Variants in MYOM2 observed in about 807,000 individuals in gnomAD.
MYOM2 encodes the protein myomesin 2.
In MYOM2, 254 loss-of-function variants were observed where a neutral mutation model predicts 187.6. The ratio of observed to expected loss-of-function variants is 1.35; its 90% CI spans 1.22 to 1.50. The LOEUF is 1.50. Among genes scored for constraint, MYOM2 ranks in the 40% most tolerant of loss-of-function variants. The pLI, the probability that MYOM2 is intolerant of heterozygous loss-of-function variation, is 0.00. For missense variants in MYOM2, 2,796 were observed against 1,924.0 expected, an observed-to-expected ratio of 1.45 and a Z score of -8.48; for synonymous variants, 981 against 753.8, an observed-to-expected ratio of 1.30 and a Z score of -4.94.
At chr8:2,089,716 ACTAC>A (rs1796228689) in intron 14 of MYOM2, among the ~76,000 whole-genome samples, 1 of 152,248 alleles carries the variant, frequency 6.6e-6, no homozygotes, top group South Asian at 2.1e-4. Context: ...TGCTAAAACT[ACTAC>A]CTATGTATTG....
rs148738470 is a variant in MYOM2 at position 2,133,483 on chromosome 8, C to T, written c.3800+4251C>T. Among the ~76,000 whole-genome samples the T allele has an allele frequency of 3.2e-3, 483 of 152,304 alleles. 4 individuals are homozygous for T. Among genetic ancestry groups the T allele is most frequent in the African/African-American group, 0.011 (437 of 41,572 alleles). On this transcript the variant is annotated intron_variant, in intron 32 of 36. Transcript: ENST00000262113. ...TCCATCTACCTGCCTCCGACAGAGT[C>T]GGAGTGTTGCTCTGTCACCCAGGCT... is the stretch of plus-strand genomic sequence containing the variant.
intron 20 of MYOM2, 66 bp downstream of exon 20, chr8:2,101,120 C>A: frequency 2.0e-6 from 3 of 1,534,886 alleles, no homozygotes; most frequent in Non-Finnish European, 2.7e-6. Flanking sequence ...TAAAGGCGGG[C>A]CAATCACTTG....
At chr8:2,126,470 T>A (rs555766320) in intron 31 of MYOM2, among the ~76,000 whole-genome samples, 11 of 151,928 alleles carry the variant, frequency 7.2e-5, no homozygotes, top group Admixed American at 6.6e-4. Context: ...CCCTACACAC[T>A]CACACACTCA....
At chr8:2,123,405 C>G in intron 29 of MYOM2, 40 bp downstream of exon 29, 3 of 1,530,862 alleles carry the variant, frequency 2.0e-6, no homozygotes, top group Non-Finnish European at 2.7e-6. Context: ...AAAACAAAAA[C>G]GGCACTTTCA....
intron 34 of MYOM2, 25 bp from the exon 35 acceptor site, chr8:2,142,350 C>T: frequency 6.2e-7 from 1 of 1,611,496 alleles, no homozygotes. Context: ...TTCATTCTCT[C>T]CTTTCTGTCC....
At chr8:2,136,884 T>C (rs569582610) in intron 32 of MYOM2, among the ~76,000 whole-genome samples, 1 of 152,210 alleles carries the variant, frequency 6.6e-6, no homozygotes, top group Non-Finnish European at 1.5e-5. Flanking sequence ...GCTAAAACGC[T>C]GCCACTTCAT....
intron 28 of MYOM2, among the ~76,000 whole-genome samples, chr8:2,121,439 C>T (rs1797452846): frequency 6.6e-6 from 1 of 151,964 alleles, no homozygotes; most frequent in Non-Finnish European, 1.5e-5. Flanking sequence ...ATTTTAGGTT[C>T]CCTGACTAAA....
At chr8:2,048,305 C>G (rs1047140595) in intron 1 of MYOM2, among the ~76,000 whole-genome samples, 2 of 152,202 alleles carry the variant, frequency 1.3e-5, no homozygotes, top group African/African-American at 4.8e-5. Context: ...CAACCTTGGT[C>G]CAACTTCATT....
At position 2,140,874 on chromosome 8, in the gene MYOM2, C is replaced by T. The variant is rs61733951; in HGVS notation, c.3952C>T (p.Leu1318=). The change falls in exon 33 of 37, where the codon CTG becomes TTG. Residue 1318 remains leucine, a synonymous_variant. Coordinates refer to ENST00000262113, the MANE Select transcript of MYOM2 (RefSeq NM_003970.4). ...GKDNHQRSLD[L]SGQAFDEAFA... is the part of the protein sequence containing the mutation. ...AGACAACCATCAACGCTCCCTTGAC[C>T]TGTCCGGACAAGGTAAGAGAATTCT... The T allele has an allele frequency of 0.028, 45,313 of 1,613,514 alleles. 741 individuals carry two copies. Among genetic ancestry groups the T allele is most frequent in the Non-Finnish European group, 0.032 (37,889 of 1,179,582 alleles).
chr8:2,117,633 G>C (rs780306607), intron 27 of MYOM2, among the ~76,000 whole-genome samples: 1 of 152,114 alleles, frequency 6.6e-6, no homozygotes, highest in African/African-American at 2.4e-5. Context: ...GCTCCTACCA[G>C]GAAGCACAGA....
rs1798190983 is a variant in MYOM2, at chr8:2,139,205, A to T, written c.3801-1518A>T. On this transcript the variant is annotated intron_variant, in intron 32 of 36. Coordinates refer to ENST00000262113, the MANE Select transcript of MYOM2 (RefSeq NM_003970.4). ...GGCCAGGCCGGAGTGCGGTGGTGTG[A>T]TCACAGCTCACTGCAGCCTTGACCT... Among the ~76,000 whole-genome samples, 3 of 152,150 alleles carry T rather than the reference A, an allele frequency of 2.0e-5. No homozygotes were observed. The South Asian group carries it at 6.2e-4, about 32-fold the overall frequency.
chr8:2,087,587 C>T (rs951092091), intron 14 of MYOM2, among the ~76,000 whole-genome samples: 1 of 152,140 alleles, frequency 6.6e-6, no homozygotes, highest in Non-Finnish European at 1.5e-5. Flanking sequence ...CCACCAATAC[C>T]AGAAACACCA....
chr8:2,070,203 T>G (rs1049565713), intron 8 of MYOM2, among the ~76,000 whole-genome samples: 1 of 151,544 alleles, frequency 6.6e-6, no homozygotes, highest in African/African-American at 2.4e-5. Context: ...GGCTTGGGAG[T>G]GAGTTTTAGA....
chr8:2,067,857 G>T (rs1819068608), intron 6 of MYOM2, among the ~76,000 whole-genome samples: 1 of 152,110 alleles, frequency 6.6e-6, no homozygotes, highest in Non-Finnish European at 1.5e-5. Context: ...CATGTCTTGG[G>T]ATCATATTAC....
Position 2,116,284 on chromosome 8 carries a change from CCTCA to C in MYOM2, c.3385+13_3385+16del. The C allele has an allele frequency of 6.2e-7, 1 of 1,611,376 alleles. No individual in the cohort carries two copies. The highest frequency in any genetic ancestry group is 1.1e-5 in the South Asian group (1 of 90,474). The stretch of plus-strand genomic sequence containing the variant: ...ATTTCTCAGGAAACAAGGTGAGTTT[CCTCA>C]CTCTGACCGGCTCCCCTGCCCCTAG... On this transcript the variant is annotated intron_variant, in intron 27 of 36. Coordinates refer to ENST00000262113, the MANE Select transcript of MYOM2 (RefSeq NM_003970.4).
At chr8:2,110,907 C>CT (rs1267549664) in intron 25 of MYOM2, among the ~76,000 whole-genome samples, 2 of 152,188 alleles carry the variant, frequency 1.3e-5, no homozygotes, top group Admixed American at 1.3e-4. Flanking sequence ...TCATGACACA[C>CT]TTTAAGACTC....
chr8:2,127,058 T>C (rs1178504474), intron 31 of MYOM2, among the ~76,000 whole-genome samples: 4 of 151,872 alleles, frequency 2.6e-5, no homozygotes, highest in Non-Finnish European at 5.9e-5. Context: ...GCTCTCAGGC[T>C]GCTCCGACCC....
chr8:2,083,610 T>C (rs1819710076), intron 13 of MYOM2, among the ~76,000 whole-genome samples: 1 of 152,238 alleles, frequency 6.6e-6, no homozygotes, highest in Non-Finnish European at 1.5e-5. Flanking sequence ...TCATGTGTGC[T>C]TAACGTTCAT....
At chr8:2,074,476 A>T (rs930025564) in intron 10 of MYOM2, among the ~76,000 whole-genome samples, 3 of 151,844 alleles carry the variant, frequency 2.0e-5, no homozygotes, top group Non-Finnish European at 4.4e-5. Context: ...TGTTTTTGAG[A>T]TGGATTAACA....
Sources: gnomAD v4.1 joint callset for allele counts (sites outside exome capture counted in the v4.1 genomes callset) on GRCh38, gnomAD v4.1.1 for gene constraint, MANE v1.5 for transcripts, NCBI Gene and HGNC (gene_info 2026-07-23, HGNC 2026-07-21) for gene names.